LRP1B: variants seen among roughly 807,000 people sequenced by gnomAD.
LRP1B encodes the protein LDL receptor related protein 1B.
Under a neutral mutation model 556.6 loss-of-function variants are expected in LRP1B, and 217 were observed. That is an observed-to-expected ratio of 0.39 (90% CI 0.35 to 0.44). The LOEUF is 0.44. Ranked by LOEUF, LRP1B falls within the 20% of genes least tolerant of loss-of-function variation. LRP1B has a pLI of 1.00. For synonymous variants in LRP1B, 2,047 were observed against 1,865.8 expected, an observed-to-expected ratio of 1.10 and a Z score of -2.50; for missense variants, 5,053 against 5,620.8, an observed-to-expected ratio of 0.90 and a Z score of 3.23.
intron 43 of LRP1B, among the ~76,000 whole-genome samples, chr2:140,581,211 T>C (rs12465074): frequency 0.27 from 41,053 of 152,160 alleles, 5,690 homozygotes; most frequent in South Asian, 0.35. Flanking sequence ...CAAAATGACT[T>C]TAGACACTTT....
At chr2:141,734,953 T>A (rs1262346534) in intron 2 of LRP1B, among the ~76,000 whole-genome samples, 1 of 152,084 alleles carries the variant, frequency 6.6e-6, no homozygotes, top group Admixed American at 6.6e-5. Flanking sequence ...TTTTGTAAAA[T>A]TGAATTAATT....
chr2:140,659,098 GTTTTTTTTTTTTTTTTTT>G, intron 41 of LRP1B, among the ~76,000 whole-genome samples: 1 of 61,144 alleles, frequency 1.6e-5, no homozygotes, highest in East Asian at 7.8e-4. Context: ...CTGTAAATCT[GTTTTTTTTTTTTTTTTTT>G]TTTTTTTTTT....
chr2:140,991,884 A>G (rs1010223083), intron 16 of LRP1B, among the ~76,000 whole-genome samples: 2 of 152,170 alleles, frequency 1.3e-5, no homozygotes, highest in Non-Finnish European at 2.9e-5. Context: ...ATGGATGCAT[A>G]ATAGACTAAA....
At chr2:141,061,969 G>T (rs757829099) in intron 8 of LRP1B, 82 bp downstream of exon 8, 56 of 1,100,232 alleles carry the variant, frequency 5.1e-5, no homozygotes, top group Non-Finnish European at 7.3e-5. Flanking sequence ...GACTTTACAA[G>T]AAATTTTCAG....
At chr2:141,789,580 C>A in intron 2 of LRP1B, among the ~76,000 whole-genome samples, 1 of 151,844 alleles carries the variant, frequency 6.6e-6, no homozygotes, top group East Asian at 1.9e-4. Context: ...AACACACCAA[C>A]TTTCCTTTAT....
chr2:140,503,699 T>A (rs1172438153), intron 53 of LRP1B, among the ~76,000 whole-genome samples: 1 of 152,114 alleles, frequency 6.6e-6, no homozygotes, highest in Admixed American at 6.6e-5. Context: ...TGGTAAAAGT[T>A]CATATCTATG....
chr2:140,604,633 G>C (rs1682800502), intron 41 of LRP1B, among the ~76,000 whole-genome samples: 1 of 152,106 alleles, frequency 6.6e-6, no homozygotes, highest in Non-Finnish European at 1.5e-5. Context: ...TTCATAGGGA[G>C]TCACGTCCAT....
chr2:140,901,245 A>G (rs536133875), intron 23 of LRP1B, among the ~76,000 whole-genome samples: 1 of 152,220 alleles, frequency 6.6e-6, no homozygotes, highest in African/African-American at 2.4e-5. Flanking sequence ...TGTGGACACA[A>G]TGACCTCAAT....
At chr2:141,430,058 G>C (rs565107958) in intron 3 of LRP1B, among the ~76,000 whole-genome samples, 88 of 152,240 alleles carry the variant, frequency 5.8e-4, no homozygotes, top group Middle Eastern at 3.4e-3. Context: ...AGGTTCTTCT[G>C]TGTATAAGTC....
chr2:140,526,104 C>A, intron 48 of LRP1B, 111 bp from the exon 49 acceptor site: 1 of 1,334,368 alleles, frequency 7.5e-7, no homozygotes, highest in Non-Finnish European at 1.0e-6. Flanking sequence ...GAAATAGATA[C>A]GTAATTATCC....
chr2:140,674,292 T>C (rs1414761727), intron 41 of LRP1B, among the ~76,000 whole-genome samples: 2 of 152,162 alleles, frequency 1.3e-5, no homozygotes, highest in Non-Finnish European at 2.9e-5. Flanking sequence ...AAACCTCTAA[T>C]AACATAACCA....
chr2:140,669,293 T>A (rs538001976), intron 41 of LRP1B, among the ~76,000 whole-genome samples: 1 of 152,322 alleles, frequency 6.6e-6, no homozygotes, highest in East Asian at 1.9e-4. Context: ...TGTTATTATT[T>A]ACACACAGTA....
At chr2:141,887,810 G>A (rs1349494882) in intron 1 of LRP1B, among the ~76,000 whole-genome samples, 1 of 152,300 alleles carries the variant, frequency 6.6e-6, no homozygotes, top group East Asian at 1.9e-4. Flanking sequence ...ATGGGAATTA[G>A]TTGAAGCTAC....
intron 7 of LRP1B, among the ~76,000 whole-genome samples, chr2:141,136,499 G>A (rs1453336832): frequency 6.6e-6 from 1 of 150,460 alleles, no homozygotes; most frequent in Non-Finnish European, 1.5e-5. Flanking sequence ...TAAAGGCAAG[G>A]GACTTTAAAT....
intron 3 of LRP1B, among the ~76,000 whole-genome samples, chr2:141,453,819 C>T (rs542491335): frequency 6.6e-6 from 1 of 150,708 alleles, no homozygotes; most frequent in South Asian, 2.1e-4. Context: ...GAGGCTGAGG[C>T]AGGAGAATTG....
intron 17 of LRP1B, among the ~76,000 whole-genome samples, chr2:140,984,310 T>A (rs1244824677): frequency 3.3e-5 from 5 of 151,996 alleles, no homozygotes; most frequent in African/African-American, 1.2e-4. Flanking sequence ...TTATTTTTTC[T>A]CTTTTCTTTT....
intron 1 of LRP1B, among the ~76,000 whole-genome samples, chr2:141,830,927 T>G (rs1437319837): frequency 6.6e-6 from 1 of 151,658 alleles, no homozygotes; most frequent in Non-Finnish European, 1.5e-5. Context: ...TCTTAAAAAT[T>G]CTCCTGGTGC....
intron 13 of LRP1B, among the ~76,000 whole-genome samples, chr2:141,014,898 T>A (rs1054872471): frequency 2.0e-5 from 3 of 152,074 alleles, no homozygotes; most frequent in Non-Finnish European, 1.5e-5. Context: ...TCTTAACTGA[T>A]TAGTGTAGTA....
At chr2:141,211,437 T>C (rs1483226907) in intron 6 of LRP1B, among the ~76,000 whole-genome samples, 1 of 151,702 alleles carries the variant, frequency 6.6e-6, no homozygotes, top group Non-Finnish European at 1.5e-5. Context: ...CTGGCCAACA[T>C]GGTGAAAACC....
Sources: gnomAD v4.1 joint callset for allele counts (sites outside exome capture counted in the v4.1 genomes callset) on GRCh38, gnomAD v4.1.1 for gene constraint, MANE v1.5 for transcripts, NCBI Gene and HGNC (gene_info 2026-07-23, HGNC 2026-07-21) for gene names.